The following INVS variants were observed in gnomAD, a reference collection of about 807,000 sequenced individuals.
The protein encoded by INVS is inversin.
In INVS, 86 loss-of-function variants were observed where a neutral mutation model predicts 108.8. The observed-to-expected ratio is 0.79, with a 90% CI of 0.66 to 0.95. The LOEUF (loss-of-function observed/expected upper bound fraction) is 0.95, where lower values mean the gene tolerates loss of function less well. INVS is among the 40% of genes least tolerant of loss of function. The pLI is 0.00. For missense variants in INVS, 1,169 were observed against 1,297.4 expected (o/e 0.90, Z 1.52); for synonymous variants, 455 against 473.5 (o/e 0.96, Z 0.51).
chr9:100,169,693 A>C (rs1829479078), intron 3 of INVS, among the ~76,000 whole-genome samples: 1 of 152,202 alleles, frequency 6.6e-6, no homozygotes, highest in South Asian at 2.1e-4. Flanking sequence ...TCTATACAGT[A>C]TATCTTTATG....
intron 1 of INVS, chr9:100,101,283 A>T (rs1385747528): frequency 6.6e-6 from 1 of 151,386 alleles, no homozygotes; most frequent in Non-Finnish European, 1.5e-5. Context: ...TAACCTTATT[A>T]TTTTTTGCAT....
chr9:100,281,613 A>C (rs1168572163), intron 12 of INVS, among the ~76,000 whole-genome samples: 1 of 152,178 alleles, frequency 6.6e-6, no homozygotes, highest in African/African-American at 2.4e-5. Context: ...TTTTTAATGC[A>C]AAATGCATCA....
At chr9:100,191,285 T>G (rs1830212816) in intron 3 of INVS, among the ~76,000 whole-genome samples, 1 of 152,204 alleles carries the variant, frequency 6.6e-6, no homozygotes, top group African/African-American at 2.4e-5. Flanking sequence ...TCCAAATTTT[T>G]TGTTTGTCTT....
At chr9:100,292,256 A>T (rs771772095) in intron 13 of INVS, 70 bp from the exon 14 acceptor site, 11 of 1,320,950 alleles carry the variant, frequency 8.3e-6, no homozygotes, top group Admixed American at 5.0e-5. Flanking sequence ...TGAATATTTT[A>T]TGTGAACATA....
intron 10 of INVS, among the ~76,000 whole-genome samples, chr9:100,259,772 A>G (rs1304791907): frequency 6.6e-6 from 1 of 150,808 alleles, no homozygotes; most frequent in Non-Finnish European, 1.5e-5. Context: ...CTGGTCTCGA[A>G]CTCCTGATCT....
chr9:100,113,226 T>C (rs1409170454), intron 2 of INVS, among the ~76,000 whole-genome samples: 1 of 150,772 alleles, frequency 6.6e-6, no homozygotes. Flanking sequence ...GAATATACTG[T>C]TGTACTACAC....
rs1272119796 is a variant in INVS at position 100,116,861 on chromosome 9, A to C, written c.107-9522A>C. Reference sequence around the variant, plus strand: ...CTGACAGGGAGACTTGGTAAATACAATCTTCCAGAGGTCGGGGGTCAGGTA... The same window carrying C: ...CTGACAGGGAGACTTGGTAAATACACTCTTCCAGAGGTCGGGGGTCAGGTA... On this transcript the variant is annotated intron_variant, in intron 2 of 16. Coordinates refer to ENST00000262457, the MANE Select transcript of INVS (RefSeq NM_014425.5). 3.2e-6 allele frequency: 4 copies of C among 1,263,452 alleles called. No homozygotes were observed. In the African/African-American group the frequency reaches 5.9e-5, roughly 19 times the overall value. 78.3% of individuals were successfully genotyped at this position (1,263,452 alleles called of 1,614,324 possible).
chr9:100,219,662 G>C (rs1831087693), intron 3 of INVS, among the ~76,000 whole-genome samples: 2 of 152,048 alleles, frequency 1.3e-5, no homozygotes, highest in African/African-American at 4.8e-5. Flanking sequence ...TTACAATATT[G>C]GGTAATCTTG....
intron 11 of INVS, among the ~76,000 whole-genome samples, chr9:100,272,016 G>A (rs1485911958): frequency 1.3e-5 from 2 of 151,968 alleles, no homozygotes; most frequent in African/African-American, 2.4e-5. Flanking sequence ...CTACAGGTAT[G>A]TGCCACCATG....
At chr9:100,110,202 A>G (rs1827299903) in intron 2 of INVS, among the ~76,000 whole-genome samples, 1 of 152,250 alleles carries the variant, frequency 6.6e-6, no homozygotes, top group South Asian at 2.1e-4. Flanking sequence ...TAACATTTAT[A>G]AAGTTATGTT....
chr9:100,267,650 C>T (rs1340130103), intron 11 of INVS, among the ~76,000 whole-genome samples: 1 of 152,194 alleles, frequency 6.6e-6, no homozygotes, highest in African/African-American at 2.4e-5. Context: ...CACACTCACC[C>T]CAACCCTGAT....
At chr9:100,279,189 T>C (rs1007330373) in intron 12 of INVS, among the ~76,000 whole-genome samples, 4 of 152,196 alleles carry the variant, frequency 2.6e-5, no homozygotes, top group African/African-American at 9.7e-5. Context: ...ATATTACAAA[T>C]ATAGATAAAT....
intron 11 of INVS, among the ~76,000 whole-genome samples, chr9:100,270,496 G>A (rs1278335524): frequency 2.0e-5 from 3 of 151,938 alleles, no homozygotes; most frequent in Non-Finnish European, 4.4e-5. Context: ...TGTAATCCCA[G>A]CACTTTGGGA....
At chr9:100,176,991 C>A (rs535597720) in intron 3 of INVS, among the ~76,000 whole-genome samples, 10 of 151,048 alleles carry the variant, frequency 6.6e-5, no homozygotes, top group Admixed American at 6.6e-4. Context: ...AACCATATCA[C>A]CTTTAAAAAA....
rs72733321 is a variant in INVS at position 100,112,376 on chromosome 9, A to C, written c.106+7749A>C. ...CCCAATAACATCTTCTCTTCTGGGA[A>C]ATACATATATCGGTTACAAAGAAAC... On this transcript the variant is annotated intron_variant, in intron 2 of 16. Coordinates refer to ENST00000262457, the MANE Select transcript of INVS (RefSeq NM_014425.5). Among the ~76,000 whole-genome samples, 365 of 152,354 alleles carry C rather than the reference A, an allele frequency of 2.4e-3. 2 individuals are homozygous for C. Among genetic ancestry groups the C allele is most frequent in the Non-Finnish European group, 4.4e-3 (297 of 68,022 alleles).
intron 3 of INVS, among the ~76,000 whole-genome samples, chr9:100,147,872 A>G (rs1478204339): frequency 2.6e-5 from 4 of 152,006 alleles, no homozygotes; most frequent in African/African-American, 9.7e-5. Flanking sequence ...TAAGACTATA[A>G]ATTGCTAAGA....
chr9:100,212,100 TG>T (rs1196534612), intron 3 of INVS, among the ~76,000 whole-genome samples: 3 of 152,202 alleles, frequency 2.0e-5, no homozygotes, highest in African/African-American at 4.8e-5. Context: ...AGTTGATTGC[TG>T]TAACTGTTTG....
chr9:100,190,787 C>T lies in INVS; in HGVS notation c.274-35275C>T, dbSNP rs552066901. On this transcript the variant is annotated intron_variant, in intron 3 of 16. Coordinates refer to ENST00000262457, the MANE Select transcript of INVS (RefSeq NM_014425.5). ...GTTACCTGATGCTTTTGTCTTACTG[C>T]TCTTAGAATTCTTTCCTTCATGTTG... 1.1e-4 allele frequency among the ~76,000 whole-genome samples: 16 copies of T among 152,040 alleles called. No homozygotes were observed. The East Asian group carries it at 1.9e-3, about 18-fold the overall frequency.
At chr9:100,142,437 C>T (rs1277788468) in intron 3 of INVS, among the ~76,000 whole-genome samples, 1 of 152,034 alleles carries the variant, frequency 6.6e-6, no homozygotes, top group Non-Finnish European at 1.5e-5. Flanking sequence ...GTGGAACTGC[C>T]ATCAATAAAC....
Sources: gnomAD v4.1 joint callset for allele counts (sites outside exome capture counted in the v4.1 genomes callset) on GRCh38, gnomAD v4.1.1 for gene constraint, MANE v1.5 for transcripts, NCBI Gene and HGNC (gene_info 2026-07-23, HGNC 2026-07-21) for gene names.